The following CACNA1B variants were observed in gnomAD, a reference collection of about 807,000 sequenced individuals.
The protein encoded by CACNA1B is calcium voltage-gated channel subunit alpha1 B, also known as voltage-dependent N-type calcium channel subunit alpha-1B.
Under a neutral mutation model 247.2 loss-of-function variants are expected in CACNA1B, and 70 were observed. The ratio of observed to expected loss-of-function variants is 0.28; its 90% CI spans 0.23 to 0.35. CACNA1B has a LOEUF of 0.35. Ranked by LOEUF, CACNA1B falls within the 10% of genes least tolerant of loss-of-function variation. The pLI is 1.00. For synonymous variants in CACNA1B, 1,231 were observed against 1,294.4 expected (o/e 0.95, Z 1.05); for missense variants, 2,367 against 3,197.4 (o/e 0.74, Z 6.26).
At chr9:138,043,953 T>G in intron 21 of CACNA1B, 53 bp downstream of exon 21, 1 of 1,593,586 alleles carries the variant, frequency 6.3e-7, no homozygotes, top group East Asian at 2.2e-5. Flanking sequence ...CCATGCATCA[T>G]GACCCGTGGG....
At position 138,073,947 on chromosome 9, in the gene CACNA1B, C is replaced by A. The variant is rs1390055807; in HGVS notation, c.4792-54C>A. 3.5e-6 allele frequency: 5 copies of A among 1,424,650 alleles called. No homozygotes were observed. In the South Asian group the frequency reaches 5.7e-5, roughly 16 times the overall value. The allele number at this position is 1,424,650 out of a possible 1,614,324, so 88.3% of individuals were successfully genotyped here. On this transcript the variant is annotated intron_variant, in intron 33 of 46. Transcript: ENST00000371372. The surrounding 1 kb of genome is among the most constrained non-coding windows in gnomAD (Gnocchi z 6.4). The stretch of plus-strand genomic sequence containing the variant: ...AAGGCCCAGCCACCGTAGCAGGAGG[C>A]CTGGGCGTGGTGGCTGGGAGGTGCC...
chr9:137,884,963 C>CG (rs1956986471), intron 3 of CACNA1B, among the ~76,000 whole-genome samples: 1 of 107,016 alleles, frequency 9.3e-6, no homozygotes, highest in African/African-American at 3.4e-5. Context: ...CTCTTCCCCC[C>CG]CCCCCTCCTC....
At chr9:137,940,650 T>C (rs1328623215) in intron 6 of CACNA1B, among the ~76,000 whole-genome samples, 25 of 152,182 alleles carry the variant, frequency 1.6e-4, no homozygotes, top group Admixed American at 1.6e-3. Context: ...CTGATGAACA[T>C]AGATGTAGAA....
intron 9 of CACNA1B, 123 bp downstream of exon 9, chr9:137,956,950 C>A (rs950614582): frequency 8.0e-6 from 6 of 753,604 alleles, no homozygotes; most frequent in Non-Finnish European, 1.4e-5. Context: ...ACCTGCACAG[C>A]CATCACATGA....
At chr9:138,093,403 C>CAAAAAAAAA (rs58608297) in intron 36 of CACNA1B, among the ~76,000 whole-genome samples, 16 of 43,170 alleles carry the variant, frequency 3.7e-4, no homozygotes, top group East Asian at 5.4e-4. Context: ...GACTCTGTCT[C>CAAAAAAAAA]AAAAAAAAAA....
chr9:138,001,610 A>G lies in CACNA1B; in HGVS notation c.1975-5157A>G, dbSNP rs150073122. The stretch of plus-strand genomic sequence containing the variant: ...AAAAAAGAAAGAAGTAAAAAGACTG[A>G]AAAGGAATAGAAAAAAACTATTATT... On this transcript the variant is annotated intron_variant, in intron 15 of 46. Transcript: ENST00000371372. Among the ~76,000 whole-genome samples the G allele has an allele frequency of 3.2e-4, 49 of 152,272 alleles. No homozygotes were observed. The East Asian group carries it at 9.2e-3, about 29-fold the overall frequency.
rs58892401 is a variant in CACNA1B, at chr9:138,114,499, C to T, written c.5649+9C>T. 2.6e-5 allele frequency: 38 copies of T among 1,458,778 alleles called. No homozygotes were observed. The South Asian group carries it at 2.8e-4, about 11-fold the overall frequency. The allele number at this position is 1,458,778 out of a possible 1,614,324, so 90.4% of individuals were successfully genotyped here. On this transcript the variant is annotated intron_variant, in intron 41 of 46. Transcript: ENST00000371372. Reference sequence around the variant, plus strand: ...CTGGAGGCCTCTCCCAGGTAGCTGGCGGCCCTCAGTTTTCCAGGAAAACTG... The same window carrying T: ...CTGGAGGCCTCTCCCAGGTAGCTGGTGGCCCTCAGTTTTCCAGGAAAACTG...
intron 34 of CACNA1B, among the ~76,000 whole-genome samples, chr9:138,074,388 G>A (rs976265197): frequency 1.7e-4 from 26 of 152,128 alleles, no homozygotes; most frequent in Non-Finnish European, 3.2e-4. Context: ...TTATAGATGT[G>A]TGCCACCACG....
chr9:138,041,949 AG>A (rs1365227043), intron 20 of CACNA1B, among the ~76,000 whole-genome samples: 2 of 152,056 alleles, frequency 1.3e-5, no homozygotes, highest in East Asian at 3.9e-4. Context: ...TTGTAGAAAC[AG>A]GGTCTGTCAC....
intron 3 of CACNA1B, among the ~76,000 whole-genome samples, chr9:137,886,717 G>A (rs1227071979): frequency 6.6e-6 from 1 of 151,414 alleles, no homozygotes; most frequent in Non-Finnish European, 1.5e-5. Flanking sequence ...TCGGCGGGTG[G>A]ACGGATGAGT....
chr9:137,945,215 G>T (rs565942976), intron 6 of CACNA1B, among the ~76,000 whole-genome samples: 2 of 152,300 alleles, frequency 1.3e-5, no homozygotes, highest in South Asian at 4.1e-4. Context: ...GATTGTCAGG[G>T]TTCAACTGAT....
intron 15 of CACNA1B, among the ~76,000 whole-genome samples, chr9:137,991,199 T>A (rs1327635397): frequency 1.3e-5 from 2 of 151,882 alleles, no homozygotes; most frequent in East Asian, 1.9e-4. Context: ...ATGATACAGG[T>A]TATGAAAGGA....
Position 138,118,772 on chromosome 9 carries a change from G to T in CACNA1B, c.6030+4G>T. 7.1e-7 allele frequency: 1 copy of T among 1,415,786 alleles called. No individual in the cohort carries two copies. Among genetic ancestry groups the T allele is most frequent in the Non-Finnish European group, 9.7e-7 (1 of 1,033,852 alleles). 87.7% of individuals were successfully genotyped at this position (1,415,786 alleles called of 1,614,324 possible). On this transcript the variant is annotated splice_donor_region_variant and intron_variant, in intron 44 of 46. Transcript: ENST00000371372. The stretch of plus-strand genomic sequence containing the variant: ...CCGCCTTGCGGCCGAGACTCAGGTA[G>T]GTGGTCTGGGAGGGTCCAGGCCCTG...
intron 15 of CACNA1B, among the ~76,000 whole-genome samples, chr9:137,992,642 A>G (rs909170949): frequency 6.6e-5 from 10 of 152,174 alleles, no homozygotes; most frequent in Admixed American, 6.5e-5. Flanking sequence ...TATACATTCT[A>G]TTCATCAGCA....
rs1210265149 is a variant in CACNA1B, at chr9:137,882,108, C to A, written c.391-636C>A. The stretch of plus-strand genomic sequence containing the variant: ...TTGTGCTTCTCATTTCTGTTGTTTT[C>A]TGCCGAGATGTGCATGTTCTGGTTA... On this transcript the variant is annotated intron_variant, in intron 2 of 46. Coordinates refer to ENST00000371372, the MANE Select transcript of CACNA1B (RefSeq NM_000718.4). This position sits in a 1 kb window ranked among gnomAD's most constrained non-coding sequence, Gnocchi z 4.0. Among the ~76,000 whole-genome samples, 1 of 152,184 alleles carries A rather than the reference C, an allele frequency of 6.6e-6. No individual in the cohort carries two copies. The highest frequency in any genetic ancestry group is 1.5e-5 in the Non-Finnish European group (1 of 68,036).
rs114882163 is a variant in CACNA1B, at chr9:138,047,133, G to C, written c.3543+100G>C. ...GCTGGGGTGGGGCTGAGGTCCTGTC[G>C]TCTCACAGGGCACCCCTCCTTCCTC... is the stretch of plus-strand genomic sequence containing the variant. On this transcript the variant is annotated intron_variant, in intron 22 of 46. Transcript: ENST00000371372. The C allele has an allele frequency of 4.2e-3, 4,673 of 1,109,610 alleles. 132 individuals carry two copies. The African/African-American group carries it at 0.064, about 15-fold the overall frequency. 68.7% of individuals were successfully genotyped at this position (1,109,610 alleles called of 1,614,324 possible).
At chr9:138,009,665 G>A (rs1958699957) in intron 16 of CACNA1B, among the ~76,000 whole-genome samples, 1 of 152,222 alleles carries the variant, frequency 6.6e-6, no homozygotes, top group Non-Finnish European at 1.5e-5. Flanking sequence ...TCGTTAGGAG[G>A]CAGAGGCAGA....
chr9:137,924,049 C>T (rs1957521931), intron 6 of CACNA1B, among the ~76,000 whole-genome samples: 2 of 152,134 alleles, frequency 1.3e-5, no homozygotes, highest in Non-Finnish European at 2.9e-5. Context: ...TTCTCCTAGT[C>T]AGTAGCTTAT....
chr9:137,889,239 C>T (rs1356263308), intron 3 of CACNA1B, among the ~76,000 whole-genome samples: 2 of 150,406 alleles, frequency 1.3e-5, no homozygotes, highest in African/African-American at 4.8e-5. Context: ...CTGCCACAGG[C>T]TCTGCTTCAG....
Sources: gnomAD v4.1 joint callset for allele counts (sites outside exome capture counted in the v4.1 genomes callset) on GRCh38, gnomAD v4.1.1 for gene constraint, Gnocchi (gnomAD v3.1) non-coding constraint, MANE v1.5 for transcripts, NCBI Gene and HGNC (gene_info 2026-07-23, HGNC 2026-07-21) for gene names.